ARHGEF28: variants seen among roughly 807,000 people sequenced by gnomAD.
ARHGEF28 encodes 190 kDa guanine nucleotide exchange factor.
A neutral mutation model predicts 206.6 loss-of-function variants in ARHGEF28; 152 were observed. That is an observed-to-expected ratio of 0.74 (90% CI 0.64 to 0.84). ARHGEF28 has a LOEUF of 0.84. Ranked by LOEUF, ARHGEF28 falls within the 40% of genes least tolerant of loss-of-function variation. ARHGEF28 has a pLI of 0.00. For synonymous variants in ARHGEF28, 763 were observed against 776.4 expected, an observed-to-expected ratio of 0.98 and a Z score of 0.29; for missense variants, 2,028 against 2,073.2, an observed-to-expected ratio of 0.98 and a Z score of 0.42.
intron 22 of ARHGEF28, among the ~76,000 whole-genome samples, chr5:73,875,164 G>A (rs1760376610): frequency 6.6e-6 from 1 of 151,602 alleles, no homozygotes; most frequent in South Asian, 2.1e-4. Context: ...TTTCTCTGAT[G>A]GCCAGTGATG....
chr5:73,713,651 G>A (rs530536636), intron 2 of ARHGEF28, among the ~76,000 whole-genome samples: 1 of 152,104 alleles, frequency 6.6e-6, no homozygotes, highest in African/African-American at 2.4e-5. Context: ...TTTTTTTGGT[G>A]GGGGGAGGGT....
Position 73,753,042 on chromosome 5 carries a change from G to T in ARHGEF28, c.315G>T (p.Thr105=), listed in dbSNP as rs191563093. 9,623 of 1,609,856 alleles carry T rather than the reference G, an allele frequency of 6.0e-3. 64 individuals carry two copies. The highest frequency in any genetic ancestry group is 7.7e-3 in the Non-Finnish European group (9,025 of 1,178,166). ...MACRLARLLV[T]QANRLTACSH... Reference sequence around the variant, plus strand: ...GCAGGCTGGCTCGTCTGCTGGTGACGCAGGCCAATCGCCTCACAGCCTGCA... The same window carrying T: ...GCAGGCTGGCTCGTCTGCTGGTGACTCAGGCCAATCGCCTCACAGCCTGCA... The change falls in exon 4 of 36, where the codon ACG becomes ACT. Residue 105 remains threonine (T), a synonymous_variant. Transcript: ENST00000513042.
intron 1 of ARHGEF28, among the ~76,000 whole-genome samples, chr5:73,661,578 T>A (rs1745600136): frequency 6.6e-6 from 1 of 152,148 alleles, no homozygotes; most frequent in Non-Finnish European, 1.5e-5. Context: ...TGCTTTTGAT[T>A]TGAAGTGAGA....
chr5:73,929,976 G>A (rs917865848), intron 35 of ARHGEF28, among the ~76,000 whole-genome samples: 1 of 109,342 alleles, frequency 9.1e-6, no homozygotes, highest in African/African-American at 4.4e-5. Flanking sequence ...ATTTTAAACT[G>A]CTATATTTCA....
At chr5:73,870,242 G>A (rs1186653739) in intron 21 of ARHGEF28, 33 bp downstream of exon 21, 1 of 1,598,344 alleles carries the variant, frequency 6.3e-7, no homozygotes, top group Non-Finnish European at 8.5e-7. Flanking sequence ...TTGGGTTGAA[G>A]CAGTGCGGTT....
chr5:73,891,025 G>A (rs547801839), intron 26 of ARHGEF28, among the ~76,000 whole-genome samples: 1 of 152,188 alleles, frequency 6.6e-6, no homozygotes. Flanking sequence ...CCAAATTTTA[G>A]ACTTTCTTCC....
intron 18 of ARHGEF28, 56 bp from the exon 19 acceptor site, chr5:73,867,820 T>C: frequency 6.2e-7 from 1 of 1,609,984 alleles, no homozygotes; most frequent in South Asian, 1.1e-5. Flanking sequence ...AAGTGACTAC[T>C]TTTACTTGTA....
intron 1 of ARHGEF28, among the ~76,000 whole-genome samples, chr5:73,643,468 T>C (rs1250387200): frequency 1.3e-5 from 2 of 152,234 alleles, no homozygotes; most frequent in Non-Finnish European, 2.9e-5. Flanking sequence ...GTTTTATTTA[T>C]ATTTGCTTTA....
chr5:73,627,351 C>T (rs985118014), intron 1 of ARHGEF28: 1 of 152,200 alleles, frequency 6.6e-6, no homozygotes, highest in Middle Eastern at 3.2e-3. Flanking sequence ...GGGCCCCTGG[C>T]TTTCTGAAGC....
intron 35 of ARHGEF28, among the ~76,000 whole-genome samples, chr5:73,940,181 G>A (rs1050214005): frequency 2.6e-5 from 4 of 152,168 alleles, no homozygotes; most frequent in Non-Finnish European, 5.9e-5. Context: ...TATAATATTA[G>A]AGGATTTTAT....
intron 2 of ARHGEF28, among the ~76,000 whole-genome samples, chr5:73,723,618 G>A (rs184404811): frequency 1.3e-5 from 2 of 152,250 alleles, no homozygotes; most frequent in African/African-American, 4.8e-5. Context: ...TAAATGAAGG[G>A]GGAAGAAAAG....
In ARHGEF28 at chr5:73,835,752, GT is replaced by G. The variant is rs371057707; in HGVS notation, c.1146+3295del. On this transcript the variant is annotated intron_variant, in intron 10 of 35. Transcript: ENST00000513042. ...CTGTGGGAACCCCATTTTATAGCTG[GT>G]TGATAAAACAATCTGGGGCTTGTGG... Among the ~76,000 whole-genome samples the G allele has an allele frequency of 2.7e-3, 415 of 152,254 alleles. 6 individuals are homozygous for G. The highest frequency in any genetic ancestry group is 8.6e-3 in the African/African-American group (359 of 41,548).
chr5:73,793,896 G>C (rs150895685), intron 7 of ARHGEF28, among the ~76,000 whole-genome samples: 56 of 152,012 alleles, frequency 3.7e-4, no homozygotes, highest in African/African-American at 1.3e-3. Context: ...GCCCGGGGCT[G>C]AGGTTGGAGC....
At chr5:73,798,473 G>A (rs139227323) in intron 9 of ARHGEF28, among the ~76,000 whole-genome samples, 5 of 152,266 alleles carry the variant, frequency 3.3e-5, no homozygotes, top group African/African-American at 9.6e-5. Flanking sequence ...CATCCAAGCC[G>A]GTGCCCCAGA....
chr5:73,762,980 C>T (rs183016570), intron 4 of ARHGEF28, among the ~76,000 whole-genome samples: 28 of 152,210 alleles, frequency 1.8e-4, no homozygotes, highest in Admixed American at 7.9e-4. Flanking sequence ...AATGAGATAA[C>T]GCATATAAAG....
intron 26 of ARHGEF28, among the ~76,000 whole-genome samples, chr5:73,891,223 G>A (rs1761605363): frequency 6.6e-6 from 1 of 152,140 alleles, no homozygotes; most frequent in African/African-American, 2.4e-5. Context: ...CCACATGACA[G>A]TAGCAAAAAG....
chr5:73,791,199 C>G (rs976707160), intron 7 of ARHGEF28, among the ~76,000 whole-genome samples: 2 of 152,204 alleles, frequency 1.3e-5, no homozygotes, highest in East Asian at 3.9e-4. Context: ...CAGCTTGGTG[C>G]TGGGGATACA....
At position 73,863,840 on chromosome 5, in the gene ARHGEF28, C is replaced by T. The variant is rs115584581; in HGVS notation, c.2048-977C>T. Among the ~76,000 whole-genome samples, 1,034 of 152,100 alleles carry T rather than the reference C, an allele frequency of 6.8e-3. 12 individuals are homozygous for T. Among genetic ancestry groups the T allele is most frequent in the African/African-American group, 0.024 (978 of 41,486 alleles). On this transcript the variant is annotated intron_variant, in intron 16 of 35. Coordinates refer to ENST00000513042, the MANE Select transcript of ARHGEF28 (RefSeq NM_001177693.2). Reference sequence around the variant, plus strand: ...CTGATGCTTATCAGCCGGGCCAATGCATAGATTAGCCTTGGGCCCTGCTTG... The same window carrying T: ...CTGATGCTTATCAGCCGGGCCAATGTATAGATTAGCCTTGGGCCCTGCTTG...
At chr5:73,853,305 G>T (rs974623943) in intron 14 of ARHGEF28, among the ~76,000 whole-genome samples, 15 of 152,210 alleles carry the variant, frequency 9.9e-5, no homozygotes, top group African/African-American at 3.6e-4. Context: ...ATAACTAACT[G>T]CCCATGAGTC....
Sources: allele counts gnomAD v4.1 joint callset (sites outside exome capture counted in the v4.1 genomes callset), GRCh38; gene constraint gnomAD v4.1.1; transcripts MANE v1.5; gene names NCBI Gene and HGNC (gene_info 2026-07-23, HGNC 2026-07-21).